The following POU6F2 variants were observed in gnomAD, a reference collection of about 807,000 sequenced individuals.
POU6F2 encodes the protein POU domain, class 6, transcription factor 2.
In POU6F2, 31 loss-of-function variants were observed where a neutral mutation model predicts 71.3. The observed-to-expected ratio is 0.43, with a 90% CI of 0.33 to 0.59. The LOEUF (loss-of-function observed/expected upper bound fraction) is 0.59, where lower values mean the gene tolerates loss of function less well. Among genes scored for constraint, POU6F2 ranks in the 20% least tolerant of loss-of-function variants. The pLI, the probability that POU6F2 is intolerant of heterozygous loss-of-function variation, is 0.04. For missense variants in POU6F2, 783 were observed against 856.8 expected (o/e 0.91, Z 1.07); for synonymous variants, 347 against 355.7 (o/e 0.98, Z 0.27).
intron 2 of POU6F2, among the ~76,000 whole-genome samples, chr7:39,095,294 A>C (rs1431970129): frequency 2.0e-5 from 3 of 152,182 alleles, no homozygotes; most frequent in African/African-American, 7.2e-5. Context: ...TCTTTGCTCT[A>C]GTTTGAATAT....
chr7:39,329,876 A>G (rs1187444611), intron 4 of POU6F2, among the ~76,000 whole-genome samples: 1 of 152,238 alleles, frequency 6.6e-6, no homozygotes. Flanking sequence ...GAGAAAACCA[A>G]TGAAGAAATT....
At chr7:39,111,204 A>G (rs1395590901) in intron 2 of POU6F2, among the ~76,000 whole-genome samples, 1 of 152,136 alleles carries the variant, frequency 6.6e-6, no homozygotes, top group African/African-American at 2.4e-5. Flanking sequence ...GTTCCAACAT[A>G]TCAGTTTTAG....
At chr7:39,317,195 T>G (rs1785284652) in intron 4 of POU6F2, among the ~76,000 whole-genome samples, 1 of 152,336 alleles carries the variant, frequency 6.6e-6, no homozygotes, top group Non-Finnish European at 1.5e-5. Flanking sequence ...GCCTTGCCAT[T>G]GGAGGGTCAG....
Position 39,362,316 on chromosome 7 carries a change from A to G in POU6F2, c.972+22301A>G, listed in dbSNP as rs138137192. Among the ~76,000 whole-genome samples the G allele has an allele frequency of 2.1e-3, 325 of 151,512 alleles. 2 individuals are homozygous for G. The highest frequency in any genetic ancestry group is 7.4e-3 in the African/African-American group (306 of 41,346). On this transcript the variant is annotated intron_variant, in intron 5 of 9. Coordinates refer to ENST00000518318, the MANE Select transcript of POU6F2 (RefSeq NM_001370959.1). ...AAAAAAAGTGGGGAGGGGAAATGCAATTTTTTATTCTAGCACATATAAGGA... is the reference window on the plus strand; with the variant it reads ...AAAAAAAGTGGGGAGGGGAAATGCAGTTTTTTATTCTAGCACATATAAGGA...
chr7:39,240,967 T>G (rs1783714772), intron 4 of POU6F2, among the ~76,000 whole-genome samples: 1 of 152,078 alleles, frequency 6.6e-6, no homozygotes, highest in South Asian at 2.1e-4. Context: ...AAGACCTAGG[T>G]TTCTTCCTTC....
At chr7:39,167,634 A>G (rs986323506) in intron 2 of POU6F2, among the ~76,000 whole-genome samples, 9 of 152,012 alleles carry the variant, frequency 5.9e-5, no homozygotes, top group African/African-American at 2.2e-4. Flanking sequence ...TTTAATTACT[A>G]GTGATATTAA....
intron 2 of POU6F2, 68 bp downstream of exon 2, chr7:39,086,099 A>AC (rs1239518968): frequency 3.3e-5 from 40 of 1,225,300 alleles, no homozygotes; most frequent in Middle Eastern, 2.6e-4. Flanking sequence ...AACCCCCCCA[A>AC]CCCCCCCTTT....
At chr7:39,380,176 A>G (rs989965385) in intron 5 of POU6F2, among the ~76,000 whole-genome samples, 15 of 152,212 alleles carry the variant, frequency 9.9e-5, no homozygotes, top group Non-Finnish European at 1.9e-4. Context: ...ACCTGGCCTA[A>G]AAAATTCTCT....
chr7:39,127,888 G>A (rs192331906), intron 2 of POU6F2, among the ~76,000 whole-genome samples: 1,453 of 145,116 alleles, frequency 0.01, 8 homozygotes, highest in Non-Finnish European at 0.017. Context: ...TGTCGCCCAG[G>A]CTGGAGTGCA....
At chr7:39,161,956 C>G (rs756709865) in intron 2 of POU6F2, among the ~76,000 whole-genome samples, 6 of 152,130 alleles carry the variant, frequency 3.9e-5, no homozygotes, top group Admixed American at 1.3e-4. Flanking sequence ...GTAACGCTGT[C>G]CTTGGATCAG....
At chr7:39,165,601 C>T (rs1448371384) in intron 2 of POU6F2, among the ~76,000 whole-genome samples, 1 of 151,894 alleles carries the variant, frequency 6.6e-6, no homozygotes, top group South Asian at 2.1e-4. Flanking sequence ...ATATATGTTT[C>T]GATAAATTAA....
intron 4 of POU6F2, among the ~76,000 whole-genome samples, chr7:39,270,474 C>T (rs1784321477): frequency 6.6e-6 from 1 of 152,142 alleles, no homozygotes; most frequent in Non-Finnish European, 1.5e-5. Context: ...TATATTGCCT[C>T]AAGGAAATGG....
At chr7:39,252,405 C>G (rs201762609) in intron 4 of POU6F2, among the ~76,000 whole-genome samples, 25,188 of 140,148 alleles carry the variant, frequency 0.18, 2,246 homozygotes, top group Admixed American at 0.24. Flanking sequence ...GACAGACACA[C>G]ACACACACAC....
At chr7:39,190,407 C>G (rs1793637770) in intron 2 of POU6F2, among the ~76,000 whole-genome samples, 1 of 129,898 alleles carries the variant, frequency 7.7e-6, no homozygotes, top group African/African-American at 3.1e-5. Flanking sequence ...TTTCCTCCTC[C>G]TCCTTTTCTT....
rs141828380 is a variant in POU6F2, at chr7:39,105,038, A to G, written c.277+19007A>G. 2.0e-3 allele frequency among the ~76,000 whole-genome samples: 301 copies of G among 152,284 alleles called. 1 individual carries two copies. Among genetic ancestry groups the G allele is most frequent in the African/African-American group, 7.0e-3 (293 of 41,562 alleles). ...TAAGAGGTTTAGTTTAAATTTTGGA[A>G]TCTGGGTTTTTACTCAATAAGCATA... On this transcript the variant is annotated intron_variant, in intron 2 of 9. Transcript: ENST00000518318.
intron 1 of POU6F2, among the ~76,000 whole-genome samples, chr7:39,080,089 AAAAAT>A (rs1431334342): frequency 6.6e-6 from 1 of 152,222 alleles, no homozygotes; most frequent in Non-Finnish European, 1.5e-5. Flanking sequence ...AAAAACACAT[AAAAAT>A]AAAATATGGT....
chr7:39,456,264 C>A (rs2237373), intron 8 of POU6F2, among the ~76,000 whole-genome samples: 48,805 of 152,030 alleles, frequency 0.32, 8,549 homozygotes, highest in East Asian at 0.52. Context: ...CCAACCTCCC[C>A]AGAGCCAGGA....
chr7:39,021,246 TCTTTC>T (rs1447529904), intron 1 of POU6F2, among the ~76,000 whole-genome samples: 1 of 152,016 alleles, frequency 6.6e-6, no homozygotes, highest in Non-Finnish European at 1.5e-5. Context: ...GTGGTTATTT[TCTTTC>T]CTTTGCTATC....
chr7:39,293,202 TG>T (rs540490958), intron 4 of POU6F2, among the ~76,000 whole-genome samples: 1 of 152,136 alleles, frequency 6.6e-6, no homozygotes, highest in Admixed American at 6.5e-5. Flanking sequence ...AGCTGGCTTC[TG>T]GGGGGCCACC....
Sources: gnomAD v4.1 joint callset for allele counts (sites outside exome capture counted in the v4.1 genomes callset) on GRCh38, gnomAD v4.1.1 for gene constraint, MANE v1.5 for transcripts, NCBI Gene and HGNC (gene_info 2026-07-23, HGNC 2026-07-21) for gene names.